Variants in CSMD3 observed in about 807,000 individuals in gnomAD.
CSMD3 encodes CUB and sushi domain-containing protein 3.
Under a neutral mutation model 435.2 loss-of-function variants are expected in CSMD3, and 177 were observed. That is an observed-to-expected ratio of 0.41 (90% CI 0.36 to 0.46). The LOEUF (loss-of-function observed/expected upper bound fraction) is 0.46, where lower values mean the gene tolerates loss of function less well. CSMD3 is among the 20% of genes least tolerant of loss of function. The pLI is 0.34. For missense variants in CSMD3, 4,265 were observed against 4,504.6 expected, an observed-to-expected ratio of 0.95 and a Z score of 1.52; for synonymous variants, 1,656 against 1,520.5, an observed-to-expected ratio of 1.09 and a Z score of -2.07.
intron 7 of CSMD3, among the ~76,000 whole-genome samples, chr8:112,971,139 T>C (rs919940822): frequency 1.3e-5 from 2 of 152,218 alleles, no homozygotes; most frequent in African/African-American, 4.8e-5. Flanking sequence ...TATGTAAGTG[T>C]TTCTCATAAT....
chr8:112,646,214 T>C (rs932751675), intron 19 of CSMD3, among the ~76,000 whole-genome samples: 5 of 152,210 alleles, frequency 3.3e-5, no homozygotes, highest in Admixed American at 6.6e-5. Context: ...CTATATGTCA[T>C]GCAGCTAGAA....
chr8:112,761,182 T>C (rs1039480402), intron 13 of CSMD3, among the ~76,000 whole-genome samples: 2 of 152,142 alleles, frequency 1.3e-5, no homozygotes, highest in African/African-American at 4.8e-5. Flanking sequence ...TACTGGTAGT[T>C]TCATGCCATA....
At chr8:112,330,819 T>C (rs1296629618) in intron 45 of CSMD3, among the ~76,000 whole-genome samples, 1 of 152,078 alleles carries the variant, frequency 6.6e-6, no homozygotes, top group South Asian at 2.1e-4. Context: ...ATTCATGAGA[T>C]AATACCAGCT....
intron 1 of CSMD3, among the ~76,000 whole-genome samples, chr8:113,393,214 T>C (rs2094469097): frequency 6.6e-6 from 1 of 151,982 alleles, no homozygotes; most frequent in African/African-American, 2.4e-5. Context: ...ATGTTATATT[T>C]GGTAGATACT....
intron 7 of CSMD3, among the ~76,000 whole-genome samples, chr8:112,956,764 T>G (rs1269523853): frequency 1.3e-5 from 2 of 152,134 alleles, no homozygotes; most frequent in Non-Finnish European, 2.9e-5. Flanking sequence ...AGTATCTTGA[T>G]TTAATTATTT....
At chr8:112,258,053 G>A (rs563262958) in intron 61 of CSMD3, among the ~76,000 whole-genome samples, 33 of 152,218 alleles carry the variant, frequency 2.2e-4, no homozygotes, top group African/African-American at 3.4e-4. Context: ...TTTAATAAAC[G>A]GTGTTGGGAA....
chr8:113,321,463 G>A (rs931421721), intron 1 of CSMD3, among the ~76,000 whole-genome samples: 1 of 152,066 alleles, frequency 6.6e-6, no homozygotes, highest in Non-Finnish European at 1.5e-5. Context: ...TCCTCAAAAT[G>A]TTCACTTACT....
chr8:112,796,099 C>T (rs1403595547), intron 13 of CSMD3, among the ~76,000 whole-genome samples: 1 of 152,084 alleles, frequency 6.6e-6, no homozygotes, highest in Non-Finnish European at 1.5e-5. Flanking sequence ...AGTAATTTAA[C>T]TCAGTCTTTT....
At chr8:112,796,201 A>G (rs2078825682) in intron 13 of CSMD3, among the ~76,000 whole-genome samples, 1 of 152,124 alleles carries the variant, frequency 6.6e-6, no homozygotes, top group African/African-American at 2.4e-5. Context: ...CATAATGGAA[A>G]AAAGAATGAA....
At chr8:112,351,289 T>C (rs772052809) in intron 39 of CSMD3, 45 bp from the exon 40 acceptor site, 7 of 1,248,846 alleles carry the variant, frequency 5.6e-6, no homozygotes, top group Non-Finnish European at 8.2e-6. Flanking sequence ...ACATAAAAAG[T>C]TTAAATTTAT....
intron 6 of CSMD3, among the ~76,000 whole-genome samples, chr8:112,989,548 A>T (rs2131009289): frequency 6.6e-6 from 1 of 152,002 alleles, no homozygotes; most frequent in Admixed American, 6.6e-5. Flanking sequence ...GGGATAAACA[A>T]TTAACAAAAA....
At chr8:112,846,070 AATTT>A (rs2132552864) in intron 11 of CSMD3, among the ~76,000 whole-genome samples, 2 of 152,126 alleles carry the variant, frequency 1.3e-5, no homozygotes, top group African/African-American at 4.8e-5. Flanking sequence ...TCTTTTACTT[AATTT>A]ATTATTTAAA....
At chr8:112,573,898 A>G (rs1200010233) in intron 23 of CSMD3, among the ~76,000 whole-genome samples, 1 of 151,990 alleles carries the variant, frequency 6.6e-6, no homozygotes, top group Non-Finnish European at 1.5e-5. Flanking sequence ...CAGGTGATAT[A>G]GCTTCTTTTC....
intron 1 of CSMD3, among the ~76,000 whole-genome samples, chr8:113,334,895 G>T (rs907409296): frequency 6.6e-6 from 1 of 151,940 alleles, no homozygotes; most frequent in Non-Finnish European, 1.5e-5. Context: ...AAGTCTGTAG[G>T]AACTGTAGTG....
chr8:112,664,706 G>A (rs1035378929), intron 17 of CSMD3, among the ~76,000 whole-genome samples: 5 of 152,022 alleles, frequency 3.3e-5, no homozygotes, highest in Admixed American at 3.3e-4. Context: ...TCATATAGAT[G>A]GGCCCTAATC....
At chr8:113,080,653 C>T (rs761630729) in intron 5 of CSMD3, among the ~76,000 whole-genome samples, 2 of 152,080 alleles carry the variant, frequency 1.3e-5, no homozygotes, top group African/African-American at 2.4e-5. Flanking sequence ...ATTTTCATTA[C>T]AAAAAGCACA....
chr8:112,308,520 A>G (rs1402232405), intron 50 of CSMD3, among the ~76,000 whole-genome samples: 1 of 152,088 alleles, frequency 6.6e-6, no homozygotes, highest in Non-Finnish European at 1.5e-5. Context: ...AGAAGAAAAG[A>G]AAGAAAATAA....
intron 1 of CSMD3, among the ~76,000 whole-genome samples, chr8:113,423,252 C>T (rs1391250860): frequency 1.3e-5 from 2 of 151,990 alleles, no homozygotes; most frequent in South Asian, 2.1e-4. Flanking sequence ...CAGGGTTGCT[C>T]AACCTGATAT....
At chr8:112,509,443 CCCCAATACAAACATTTCTTAGCTAGCT>C (rs1445062025) in intron 28 of CSMD3, among the ~76,000 whole-genome samples, 1 of 152,092 alleles carries the variant, frequency 6.6e-6, no homozygotes, top group Non-Finnish European at 1.5e-5. Flanking sequence ...TCAACCATTG[CCCCAATACAAACATTTCTTAGCTAGCT>C]CCCAATACAA....
Sources: allele counts gnomAD v4.1 joint callset (sites outside exome capture counted in the v4.1 genomes callset), GRCh38; gene constraint gnomAD v4.1.1; transcripts MANE v1.5; gene names NCBI Gene and HGNC (gene_info 2026-07-23, HGNC 2026-07-21).